HMCN2: variants seen among roughly 807,000 people sequenced by gnomAD.
HMCN2 encodes hemicentin-2.
HMCN2 carries 325 observed loss-of-function variants against 377.5 expected under a neutral mutation model. The ratio of observed to expected loss-of-function variants is 0.86; its 90% CI spans 0.79 to 0.94. HMCN2 has a LOEUF of 0.94. HMCN2 is among the 40% of genes least tolerant of loss of function. The pLI, the probability that HMCN2 is intolerant of heterozygous loss-of-function variation, is 0.00. For missense variants in HMCN2, 4,543 were observed against 4,725.3 expected (o/e 0.96, Z 1.13); for synonymous variants, 2,007 against 2,046.8 (o/e 0.98, Z 0.53).
intron 52 of HMCN2, among the ~76,000 whole-genome samples, chr9:130,377,168 C>T (rs1291302714): frequency 6.6e-6 from 1 of 151,842 alleles, no homozygotes; most frequent in Non-Finnish European, 1.5e-5. Flanking sequence ...GGCTGGAGTA[C>T]AGTGGCACGA....
Position 130,396,159 on chromosome 9 carries a change from C to T in HMCN2, c.11054-10C>T, listed in dbSNP as rs1366564088. 7.9e-7 allele frequency: 1 copy of T among 1,263,822 alleles called. No homozygotes were observed. Among genetic ancestry groups the T allele is most frequent in the East Asian group, 5.9e-5 (1 of 17,086 alleles). 78.3% of individuals were successfully genotyped at this position (1,263,822 alleles called of 1,614,324 possible). ...GCTCCCAGCACCACTCCCTCTGTGC[C>T]CCTCCCCAGCGGTGCCCACCATCCG... On this transcript the variant is annotated splice_polypyrimidine_tract_variant and intron_variant, in intron 72 of 97. Coordinates refer to ENST00000683500, the MANE Select transcript of HMCN2 (RefSeq NM_001291815.2).
Position 130,331,884 on chromosome 9 carries a change from A to C in HMCN2, c.3359+4409A>C, listed in dbSNP as rs1008042853. ...ATCCCAGCGCGGTGTGGGGGCAGTG[A>C]GAGGATGGTGCGTTTCTATCTCGTT... On this transcript the variant is annotated intron_variant, in intron 22 of 97. Transcript: ENST00000683500. 2.0e-5 allele frequency among the ~76,000 whole-genome samples: 3 copies of C among 152,148 alleles called. No individual in the cohort carries two copies. In the South Asian group the frequency reaches 6.2e-4, roughly 32 times the overall value.
chr9:130,371,315 T>C (rs1370428067), intron 46 of HMCN2, among the ~76,000 whole-genome samples, 184 bp downstream of exon 46: 1 of 151,724 alleles, frequency 6.6e-6, no homozygotes, highest in Non-Finnish European at 1.5e-5. Context: ...TCCAGGAAAA[T>C]ATCATGGATT....
rs1840010028 is a variant in HMCN2, at chr9:130,356,070, C to CG, written c.5256-18_5256-17insG. On this transcript the variant is annotated splice_polypyrimidine_tract_variant and intron_variant, in intron 33 of 97. Coordinates refer to ENST00000683500, the MANE Select transcript of HMCN2 (RefSeq NM_001291815.2). ...CCCTGGTCTCAGGTTGACACGCCCC[C>CG]CTCCCTACTCACCTTAGGTGGCTGC... 5 of 1,253,600 alleles carry CG rather than the reference C, an allele frequency of 4.0e-6. 1 individual carries two copies. Among genetic ancestry groups the CG allele is most frequent in the Admixed American group, 5.2e-5 (2 of 38,216 alleles). 77.7% of individuals were successfully genotyped at this position (1,253,600 alleles called of 1,614,324 possible). A position where few individuals can be genotyped will look rare whatever the true frequency, so the allele number is the denominator to read the frequency against.
At chr9:130,390,426 T>C (rs1842254319) in intron 62 of HMCN2, among the ~76,000 whole-genome samples, 1 of 152,220 alleles carries the variant, frequency 6.6e-6, no homozygotes, top group African/African-American at 2.4e-5. Context: ...GGGCAGTTGC[T>C]CGTGTCTTTG....
rs1554937701 is a variant in HMCN2, at chr9:130,308,518, C to G, written c.2200+952C>G. Among the ~76,000 whole-genome samples, 1 of 152,162 alleles carries G rather than the reference C, an allele frequency of 6.6e-6. No homozygotes were observed. The highest frequency in any genetic ancestry group is 2.1e-4 in the South Asian group (1 of 4,822). On this transcript the variant is annotated intron_variant, in intron 14 of 97. Coordinates refer to ENST00000683500, the MANE Select transcript of HMCN2 (RefSeq NM_001291815.2). The surrounding 1 kb of genome is among the most constrained non-coding windows in gnomAD (Gnocchi z 4.1). ...CGAGGGTCAACCGGGGTCAGCAATA[C>G]TGTCCCCTCCCATTCCTTGCAGCAG... is the stretch of plus-strand genomic sequence containing the variant.
intron 1 of HMCN2, among the ~76,000 whole-genome samples, chr9:130,275,824 C>A (rs532619475): frequency 6.6e-6 from 1 of 151,028 alleles, no homozygotes; most frequent in Non-Finnish European, 1.5e-5. Context: ...AAAATTCACT[C>A]TCTTAACCTG....
rs878863979 is a variant in HMCN2, at chr9:130,325,096, CTTTTT to C, written c.2921-488_2921-484del. On this transcript the variant is annotated intron_variant, in intron 19 of 97. Transcript: ENST00000683500. ...GTCTTTTCTTCTTCTTCTTCTTCTT[CTTTTT>C]TTTTTTTTTTGTAGACAAGAGTCTC... Among the ~76,000 whole-genome samples the C allele has an allele frequency of 7.8e-5, 10 of 128,084 alleles. No homozygotes were observed. In the South Asian group the frequency reaches 2.2e-3, roughly 28 times the overall value. The allele number at this position is 128,084 out of a possible 152,430, so 84.0% of individuals were successfully genotyped here.
At chr9:130,403,710 C>T (rs955863716) in intron 79 of HMCN2, 31 bp from the exon 80 acceptor site, 5 of 1,285,948 alleles carry the variant, frequency 3.9e-6, no homozygotes, top group Non-Finnish European at 4.1e-6. Flanking sequence ...TCCCAGTTCC[C>T]AGGCCCCCGA....
chr9:130,289,678 T>C (rs1173105995), intron 4 of HMCN2, among the ~76,000 whole-genome samples: 3 of 152,096 alleles, frequency 2.0e-5, no homozygotes, highest in African/African-American at 7.2e-5. Flanking sequence ...CCCCCCGTGC[T>C]TCAATGTGGA....
intron 15 of HMCN2, among the ~76,000 whole-genome samples, chr9:130,316,625 C>T (rs1343970494): frequency 6.6e-6 from 1 of 152,210 alleles, no homozygotes; most frequent in East Asian, 1.9e-4. Context: ...GTCTCCAGAG[C>T]TGCTGACAAC....
In HMCN2 at chr9:130,428,397, AG is replaced by A; in HGVS notation, c.14108del (p.Gly4703AspfsTer5). The A allele has an allele frequency of 6.5e-7, 1 of 1,548,020 alleles. No individual in the cohort carries two copies. ...ECAWDAHLCR[E>X]GQRCVNLLGS... The stretch of plus-strand genomic sequence containing the variant: ...GCGTGGGATGCTCACCTCTGCCGAG[AG>A]GGACAGCGCTGTGTGAACCTGCTCG... On this transcript the variant is annotated frameshift_variant, in exon 93 of 98. Transcript: ENST00000683500. LOFTEE classifies it high-confidence loss of function. This position sits in a 1 kb window ranked among gnomAD's most constrained non-coding sequence, Gnocchi z 5.0.
intron 12 of HMCN2, among the ~76,000 whole-genome samples, chr9:130,306,533 C>A (rs1554936837): frequency 6.6e-6 from 1 of 150,516 alleles, no homozygotes; most frequent in African/African-American, 2.5e-5. Context: ...GGACCTGTGC[C>A]TGAGTCCCGT....
Position 130,360,051 on chromosome 9 carries a change from G to C in HMCN2, c.5774-377G>C, listed in dbSNP as rs1840284551. 6.6e-6 allele frequency among the ~76,000 whole-genome samples: 1 copy of C among 152,058 alleles called. No homozygotes were observed. The highest frequency in any genetic ancestry group is 2.4e-5 in the African/African-American group (1 of 41,386). On this transcript the variant is annotated intron_variant, in intron 37 of 97. Coordinates refer to ENST00000683500, the MANE Select transcript of HMCN2 (RefSeq NM_001291815.2). This position sits in a 1 kb window ranked among gnomAD's most constrained non-coding sequence, Gnocchi z 4.7. ...CCTAGGGGACGGGGTCTTCTGGTAG[G>C]GGGAGGGCAGGGCTGAGTTTGACTC...
At chr9:130,285,357 G>C (rs782587425) in intron 3 of HMCN2, 41 bp downstream of exon 3, 1 of 467,462 alleles carries the variant, frequency 2.1e-6, no homozygotes. Context: ...GGGGTCCCCC[G>C]GGGGTCCCGA....
chr9:130,374,213 T>TG lies in HMCN2; in HGVS notation c.7439-287dup, dbSNP rs1564828998. Among the ~76,000 whole-genome samples, 11 of 151,446 alleles carry TG rather than the reference T, an allele frequency of 7.3e-5. No homozygotes were observed. In the South Asian group the frequency reaches 2.1e-3, roughly 29 times the overall value. ...TGGATGGTTGGATGGATGGATGGAT[T>TG]GGTGGGTGGTGTGTGGGTGGGTGGA... On this transcript the variant is annotated intron_variant, in intron 48 of 97. Coordinates refer to ENST00000683500, the MANE Select transcript of HMCN2 (RefSeq NM_001291815.2).
chr9:130,312,334 A>C (rs903260136), intron 15 of HMCN2, among the ~76,000 whole-genome samples: 34 of 152,014 alleles, frequency 2.2e-4, no homozygotes, highest in African/African-American at 8.0e-4. Context: ...GCTGTGATCC[A>C]GCTGCTGACA....
At chr9:130,386,993 G>A (rs984830488) in intron 61 of HMCN2, among the ~76,000 whole-genome samples, 4 of 152,192 alleles carry the variant, frequency 2.6e-5, no homozygotes, top group Admixed American at 2.0e-4. Context: ...CCCATGGACC[G>A]CCATGACAGT....
intron 1 of HMCN2, among the ~76,000 whole-genome samples, chr9:130,277,745 C>CCACCACCATCATCATCAT (rs1554923638): frequency 6.8e-6 from 1 of 146,094 alleles, no homozygotes; most frequent in Non-Finnish European, 1.5e-5. Context: ...ATCATCACCA[C>CCACCACCATCATCATCAT]CACCACCATC....
Sources: allele counts gnomAD v4.1 joint callset (sites outside exome capture counted in the v4.1 genomes callset), GRCh38; gene constraint gnomAD v4.1.1; non-coding constraint Gnocchi (gnomAD v3.1); transcripts MANE v1.5; gene names NCBI Gene and HGNC (gene_info 2026-07-23, HGNC 2026-07-21).